CHMP3: variants seen among roughly 807,000 people sequenced by gnomAD.
CHMP3 encodes the protein charged multivesicular body protein 3, also known as 25.1 protein.
In CHMP3, 8 loss-of-function variants were observed where a neutral mutation model predicts 27.4. The ratio of observed to expected loss-of-function variants is 0.29; its 90% CI spans 0.17 to 0.53. The LOEUF is 0.53. CHMP3 is among the 20% of genes least tolerant of loss of function. CHMP3 has a pLI of 0.96. For synonymous variants in CHMP3, 86 were observed against 85.5 expected (o/e 1.01, Z -0.03); for missense variants, 208 against 271.5 (o/e 0.77, Z 1.64).
chr2:86,539,217 T>C (rs1676262460), intron 2 of CHMP3, among the ~76,000 whole-genome samples: 1 of 152,190 alleles, frequency 6.6e-6, no homozygotes, highest in South Asian at 2.1e-4. Flanking sequence ...GCAATCACAT[T>C]ACTTCATAGT....
At chr2:86,542,485 T>C (rs538987956) in intron 1 of CHMP3, among the ~76,000 whole-genome samples, 173 bp from the exon 2 acceptor site, 1 of 152,342 alleles carries the variant, frequency 6.6e-6, no homozygotes, top group Non-Finnish European at 1.5e-5. Flanking sequence ...CACCTCTTTT[T>C]ATTCACAGTG....
At position 86,563,292 on chromosome 2, in the gene CHMP3, C is replaced by T; in HGVS notation, c.45+12G>A. On this transcript the variant is annotated intron_variant, in intron 1 of 5. Transcript: ENST00000263856. ...GATCCACCCGCTTATCTGCCGCCGC[C>T]GTAGCCCTTACCAGTTCTTTGGGCG... is the stretch of plus-strand genomic sequence containing the variant. 1 of 1,614,014 alleles carries T rather than the reference C, an allele frequency of 6.2e-7. No individual in the cohort carries two copies. Among genetic ancestry groups the T allele is most frequent in the East Asian group, 2.2e-5 (1 of 44,868 alleles).
chr2:86,527,583 G>T (rs1186663275), intron 3 of CHMP3, among the ~76,000 whole-genome samples: 1 of 152,138 alleles, frequency 6.6e-6, no homozygotes, highest in Non-Finnish European at 1.5e-5. Context: ...TACTCAGTTT[G>T]ATCAAAAGGC....
rs546706595 is a variant in CHMP3, at chr2:86,526,754, G to T, written c.286+2464C>A. ...TTGTTTTGTTTTGTCTTGTTTTATA[G>T]AGACAGGGTTTCATTATGTTTCCCA... On this transcript the variant is annotated intron_variant, in intron 3 of 5. Transcript: ENST00000263856. 2.6e-5 allele frequency among the ~76,000 whole-genome samples: 4 copies of T among 151,584 alleles called. No individual in the cohort carries two copies. The East Asian group carries it at 7.8e-4, about 29-fold the overall frequency.
At chr2:86,528,300 C>T (rs982409807) in intron 3 of CHMP3, among the ~76,000 whole-genome samples, 3 of 152,166 alleles carry the variant, frequency 2.0e-5, no homozygotes, top group African/African-American at 7.2e-5. Flanking sequence ...TGAAAATATT[C>T]TTCAGTGAAA....
chr2:86,537,554 G>A (rs550355683), intron 2 of CHMP3, among the ~76,000 whole-genome samples: 1 of 152,228 alleles, frequency 6.6e-6, no homozygotes, highest in East Asian at 1.9e-4. Flanking sequence ...TTTTACTGTT[G>A]TTGAAAACTG....
rs576412260 is a variant in CHMP3, at chr2:86,513,213, A to G, written c.287-2734T>C. Among the ~76,000 whole-genome samples the G allele has an allele frequency of 1.8e-4, 28 of 152,350 alleles. No individual in the cohort carries two copies. The South Asian group carries it at 4.8e-3, about 26-fold the overall frequency. On this transcript the variant is annotated intron_variant, in intron 3 of 5. Coordinates refer to ENST00000263856, the MANE Select transcript of CHMP3 (RefSeq NM_016079.4). ...CTTTCAAGCCATGAAAAGACAAGGA[A>G]GAAACTTAAATGCATATTACTAAGT...
chr2:86,562,455 G>A (rs1677410844), intron 1 of CHMP3, among the ~76,000 whole-genome samples: 1 of 152,176 alleles, frequency 6.6e-6, no homozygotes, highest in Admixed American at 6.5e-5. Flanking sequence ...GTTGGCATTT[G>A]AGTAGCAAAG....
chr2:86,529,073 A>G (rs1675816526), intron 3 of CHMP3, 145 bp downstream of exon 3: 2 of 779,164 alleles, frequency 2.6e-6, no homozygotes, highest in Non-Finnish European at 3.7e-6. Flanking sequence ...CAACATTATT[A>G]TATTTTGCAT....
chr2:86,561,124 T>C (rs1053559869), intron 1 of CHMP3, among the ~76,000 whole-genome samples: 7 of 152,344 alleles, frequency 4.6e-5, no homozygotes, highest in Non-Finnish European at 1.0e-4. Context: ...AGAAGTTAAG[T>C]TCTTTGGCTT....
At chr2:86,528,110 A>C (rs1238232967) in intron 3 of CHMP3, among the ~76,000 whole-genome samples, 1 of 152,130 alleles carries the variant, frequency 6.6e-6, no homozygotes, top group Non-Finnish European at 1.5e-5. Flanking sequence ...TGATACATTC[A>C]TGGTTAGGCA....
intron 3 of CHMP3, among the ~76,000 whole-genome samples, chr2:86,517,607 T>C (rs1382263465): frequency 6.7e-6 from 1 of 150,266 alleles, no homozygotes; most frequent in African/African-American, 2.4e-5. Flanking sequence ...AATCAGTAGA[T>C]GTGGAACCCA....
chr2:86,509,629 C>T (rs946825354), intron 4 of CHMP3, among the ~76,000 whole-genome samples: 1 of 152,210 alleles, frequency 6.6e-6, no homozygotes, highest in Non-Finnish European at 1.5e-5. Flanking sequence ...ATCCTCATTT[C>T]CTCTGTGACA....
intron 1 of CHMP3, among the ~76,000 whole-genome samples, chr2:86,555,484 G>A (rs911811080): frequency 3.4e-5 from 5 of 149,146 alleles, no homozygotes; most frequent in African/African-American, 9.8e-5. Flanking sequence ...CCTGGCGACA[G>A]AGCAAGACTC....
At chr2:86,525,786 A>C (rs1281816067) in intron 3 of CHMP3, among the ~76,000 whole-genome samples, 4 of 152,240 alleles carry the variant, frequency 2.6e-5, no homozygotes. Flanking sequence ...AAAAATTCTC[A>C]TAGTAGAAAG....
Position 86,529,376 on chromosome 2 carries a change from T to C in CHMP3, c.128A>G (p.Lys43Arg), listed in dbSNP as rs1390555044. Residue 43 changes from lysine to arginine, a missense_variant, in exon 3 of 6, where the codon AAA becomes AGA. Coordinates refer to ENST00000263856, the MANE Select transcript of CHMP3 (RefSeq NM_016079.4). The stretch of plus-strand genomic sequence containing the variant: ...AGCATCTTTCACAGATCGTTTCACT[T>C]TTTCTTCTTCTCTTTGGATATCTAA... ...QIRDIQREEEKVKRSVKDAAK... is the reference protein window; with the variant it reads ...QIRDIQREEERVKRSVKDAAK... 6.2e-7 allele frequency: 1 copy of C among 1,601,080 alleles called. No individual in the cohort carries two copies. Among genetic ancestry groups the C allele is most frequent in the Non-Finnish European group, 8.5e-7 (1 of 1,175,676 alleles).
intron 1 of CHMP3, among the ~76,000 whole-genome samples, chr2:86,559,741 G>A (rs1281245798): frequency 2.0e-5 from 3 of 152,152 alleles, no homozygotes; most frequent in African/African-American, 7.2e-5. Flanking sequence ...GGTATCTCCA[G>A]CACCAGATAA....
intron 2 of CHMP3, among the ~76,000 whole-genome samples, chr2:86,537,847 G>A (rs1481066136): frequency 2.0e-5 from 3 of 152,156 alleles, no homozygotes. Flanking sequence ...AGCTGCCATG[G>A]AAAACAGTAA....
At chr2:86,551,279 A>G (rs576759865) in intron 1 of CHMP3, among the ~76,000 whole-genome samples, 172 of 139,176 alleles carry the variant, frequency 1.2e-3, no homozygotes, top group African/African-American at 4.5e-3. Flanking sequence ...ATGAACTCCA[A>G]TTTTTTTTTT....
Sources: allele counts gnomAD v4.1 joint callset (sites outside exome capture counted in the v4.1 genomes callset), GRCh38; gene constraint gnomAD v4.1.1; transcripts MANE v1.5; gene names NCBI Gene and HGNC (gene_info 2026-07-23, HGNC 2026-07-21).